The following MMS19 variants were observed in gnomAD, a reference collection of about 807,000 sequenced individuals.
The protein encoded by MMS19 is MMS19 cytosolic iron-sulfur assembly component, also known as MMS19 nucleotide excision repair protein homolog.
In MMS19, 77 loss-of-function variants were observed where a neutral mutation model predicts 129.8. The observed-to-expected ratio is 0.59, with a 90% CI of 0.49 to 0.72. The LOEUF (loss-of-function observed/expected upper bound fraction) is 0.72. MMS19 is among the 30% of genes least tolerant of loss of function. The pLI, the probability that MMS19 is intolerant of heterozygous loss-of-function variation, is 0.00. For synonymous variants in MMS19, 491 were observed against 502.8 expected (o/e 0.98, Z 0.31); for missense variants, 1,168 against 1,266.3 (o/e 0.92, Z 1.18).
intron 27 of MMS19, 38 bp from the exon 28 acceptor site, chr10:97,459,564 A>G (rs370482861): frequency 6.2e-7 from 1 of 1,606,708 alleles, no homozygotes; most frequent in South Asian, 1.1e-5. Context: ...TGGCCACATC[A>G]TGAAGATCCT....
intron 2 of MMS19, among the ~76,000 whole-genome samples, chr10:97,482,181 A>T (rs2036924157): frequency 6.6e-6 from 1 of 152,220 alleles, no homozygotes. Flanking sequence ...GTCTCAAAGA[A>T]AAAGAAAAAA....
intron 2 of MMS19, among the ~76,000 whole-genome samples, chr10:97,483,880 C>T (rs550821798): frequency 6.6e-6 from 1 of 152,340 alleles, no homozygotes; most frequent in Non-Finnish European, 1.5e-5. Flanking sequence ...GGCCTACAGG[C>T]TGTGTGCTCC....
chr10:97,495,482 T>G (rs942546681), intron 1 of MMS19, among the ~76,000 whole-genome samples: 7 of 152,238 alleles, frequency 4.6e-5, no homozygotes, highest in African/African-American at 1.7e-4. Context: ...CCTTTAGCGC[T>G]AACAAAGCTT....
At chr10:97,485,494 G>C (rs2037661385) in intron 1 of MMS19, among the ~76,000 whole-genome samples, 1 of 152,160 alleles carries the variant, frequency 6.6e-6, no homozygotes, top group Non-Finnish European at 1.5e-5. Flanking sequence ...TGTATTTTCA[G>C]TAGAGATGGG....
In MMS19 at chr10:97,461,662, T is replaced by C. The variant is rs774433290; in HGVS notation, c.2185-40A>G. 5.5e-5 allele frequency: 88 copies of C among 1,585,912 alleles called. No individual in the cohort carries two copies. In the South Asian group the frequency reaches 6.1e-4, roughly 11 times the overall value. On this transcript the variant is annotated intron_variant, in intron 22 of 30. Coordinates refer to ENST00000438925, the MANE Select transcript of MMS19 (RefSeq NM_022362.5). ...GCCATGTAATGGACCCAGAGAACAC[T>C]TGAACTCCAAGAGAACCAGTACATA...
At position 97,477,339 on chromosome 10, in the gene MMS19, T is replaced by C. The variant is rs772891810; in HGVS notation, c.493+8A>G. The stretch of plus-strand genomic sequence containing the variant: ...TTTTGACATTTCCCAGAAAGCTCTG[T>C]CTCTTACCTTCTTCCCGGGTTCGCA... On this transcript the variant is annotated splice_region_variant and intron_variant, in intron 6 of 30. Transcript: ENST00000438925. The C allele has an allele frequency of 6.2e-7, 1 of 1,613,992 alleles. No homozygotes were observed. The highest frequency in any genetic ancestry group is 1.3e-5 in the African/African-American group (1 of 75,036).
chr10:97,460,182 G>A lies in MMS19; in HGVS notation c.2520C>T (p.Gly840=). Residue 840 remains glycine (G), a synonymous_variant, in exon 26 of 31, where the codon GGC becomes GGT. Coordinates refer to ENST00000438925, the MANE Select transcript of MMS19 (RefSeq NM_022362.5). ...DPELGPAAAD[G]FSLLMSDCTD... ...TGCAGTCAGACATGAGCAGAGAGAA[G>A]CCATCAGCTGCTGCTGGACCTAATT... 2.5e-6 allele frequency: 4 copies of A among 1,613,982 alleles called. No individual in the cohort carries two copies. The highest frequency in any genetic ancestry group is 3.4e-6 in the Non-Finnish European group (4 of 1,179,886).
chr10:97,476,868 C>T lies in MMS19; in HGVS notation c.589G>A (p.Val197Ile), dbSNP rs29001285. ...PRNLLVAFRI[V>I]HDLISRDYSL... ...TAGTCCCTGGAGATGAGGTCATGGA[C>T]GATGCGGAAGGCCACCAGAAGATTA... The change falls in exon 7 of 31, where the codon GTC becomes ATC. Residue 197 changes from valine to isoleucine, a missense_variant. Val to Ile is a conservative substitution (Grantham distance 29). This residue lies in a region of MMS19 where 329 missense variants were observed against 328.6 expected (regional missense o/e 1.00). Coordinates refer to ENST00000438925, the MANE Select transcript of MMS19 (RefSeq NM_022362.5). 4.3e-3 allele frequency: 6,950 copies of T among 1,613,980 alleles called. 19 individuals carry two copies. Among genetic ancestry groups the T allele is most frequent in the Non-Finnish European group, 5.3e-3 (6,282 of 1,179,894 alleles).
In MMS19 at chr10:97,476,687, G is replaced by A; in HGVS notation, c.680C>T (p.Thr227Ile). Residue 227 changes from threonine to isoleucine, a missense_variant, in exon 8 of 31, where the codon ACC becomes ATC. Physicochemically the swap from Thr to Ile is moderately conservative, Grantham distance 89 (BLOSUM62 -1). Transcript: ENST00000438925. ...AACAATGAAGGTGCTACTTACAGGGGTAAAATCGATAGGGAAATAACAGGA... is the reference window on the plus strand; with the variant it reads ...AACAATGAAGGTGCTACTTACAGGGATAAAATCGATAGGGAAATAACAGGA... ...VTSCYFPIDF[T>I]PPPNDPHGIQ... 6.2e-7 allele frequency: 1 copy of A among 1,613,668 alleles called. No individual in the cohort carries two copies. The highest frequency in any genetic ancestry group is 8.5e-7 in the Non-Finnish European group (1 of 1,179,712).
intron 3 of MMS19, chr10:97,480,476 C>T: frequency 2.7e-6 from 1 of 367,582 alleles, no homozygotes; most frequent in Non-Finnish European, 5.2e-6. Flanking sequence ...TCAAAGCATG[C>T]CGATATTTCA....
At position 97,461,017 on chromosome 10, in the gene MMS19, A is replaced by C; in HGVS notation, c.2312-10T>G. 2 of 1,547,378 alleles carry C rather than the reference A, an allele frequency of 1.3e-6. No homozygotes were observed. Among genetic ancestry groups the C allele is most frequent in the Non-Finnish European group, 1.7e-6 (2 of 1,143,084 alleles). ...TCATCCAGCTGCTGCCCTAAAAAGG[A>C]GAGAGGAAATGCTGACATAAAGGCT... is the stretch of plus-strand genomic sequence containing the variant. On this transcript the variant is annotated splice_polypyrimidine_tract_variant and intron_variant, in intron 23 of 30. Transcript: ENST00000438925.
In MMS19 at chr10:97,458,355, T is replaced by C. The variant is rs1010966671; in HGVS notation, c.*337A>G. 4.0e-6 allele frequency: 1 copy of C among 248,276 alleles called. No homozygotes were observed. Among genetic ancestry groups the C allele is most frequent in the Admixed American group, 5.3e-5 (1 of 18,870 alleles). 15.4% of individuals were successfully genotyped at this position (248,276 alleles called of 1,614,324 possible). A position where few individuals can be genotyped will look rare whatever the true frequency, so the allele number is the denominator to read the frequency against. On this transcript the variant is annotated 3_prime_UTR_variant, in exon 31 of 31. Coordinates refer to ENST00000438925, the MANE Select transcript of MMS19 (RefSeq NM_022362.5). Reference sequence around the variant, plus strand: ...AAAGAAATCTTTATTCTTCAGCAGGTAGACAACATCTGCCAGCCCTGGTCC... The same window carrying C: ...AAAGAAATCTTTATTCTTCAGCAGGCAGACAACATCTGCCAGCCCTGGTCC...
At chr10:97,497,601 G>A (rs1036582795) in intron 1 of MMS19, among the ~76,000 whole-genome samples, 2 of 151,914 alleles carry the variant, frequency 1.3e-5, no homozygotes, top group Non-Finnish European at 2.9e-5. Flanking sequence ...TTTTAGATAA[G>A]CTGTCTGAAC....
intron 1 of MMS19, among the ~76,000 whole-genome samples, chr10:97,496,505 T>C (rs1470676236): frequency 8.0e-6 from 1 of 124,442 alleles, no homozygotes; most frequent in Admixed American, 8.2e-5. Flanking sequence ...GAGAGGGACC[T>C]TGTCTCAAAA....
chr10:97,480,822 G>A, intron 3 of MMS19, 120 bp downstream of exon 3: 2 of 716,976 alleles, frequency 2.8e-6, no homozygotes, highest in South Asian at 1.5e-5. Flanking sequence ...TGAAGACCTT[G>A]AATTAGTAGT....
At chr10:97,468,912 G>C in intron 12 of MMS19, 54 bp downstream of exon 12, 1 of 1,542,418 alleles carries the variant, frequency 6.5e-7, no homozygotes, top group East Asian at 2.4e-5. Flanking sequence ...CCCAGGCAAG[G>C]AATGTCGTTT....
intron 22 of MMS19, 85 bp downstream of exon 22, chr10:97,461,743 A>C: frequency 2.6e-6 from 4 of 1,544,918 alleles, no homozygotes; most frequent in Non-Finnish European, 3.5e-6. Flanking sequence ...GGGAAGTAAA[A>C]GATCAGCTTA....
In MMS19 at chr10:97,477,917, C is replaced by A. The variant is rs749268132; in HGVS notation, c.361G>T (p.Ala121Ser). Reference sequence around the variant, plus strand: ...GAAACAGCCAGCCCTGGGGGCAGGGCCACACACAGGCTCTGGGGGAGAGGA... The same window carrying A: ...GAAACAGCCAGCCCTGGGGGCAGGGACACACACAGGCTCTGGGGGAGAGGA... ...QGLKALSLCV[A>S]LPPGLAVSVL... Residue 121 changes from alanine (A) to serine (S), a missense_variant, in exon 5 of 31, where the codon GCC (alanine) becomes TCC (serine). By Grantham distance (99) the Ala-to-Ser change is moderately conservative. Around this residue, in one of 3 missense-constraint regions of MMS19, gnomAD observed 329 missense variants for 328.6 expected, o/e 1.00. Transcript: ENST00000438925. 36 of 1,604,518 alleles carry A rather than the reference C, an allele frequency of 2.2e-5. No homozygotes were observed. The highest frequency in any genetic ancestry group is 3.0e-5 in the Non-Finnish European group (35 of 1,176,390).
At chr10:97,493,060 G>T (rs1316802775) in intron 1 of MMS19, among the ~76,000 whole-genome samples, 1 of 151,852 alleles carries the variant, frequency 6.6e-6, no homozygotes, top group African/African-American at 2.4e-5. Flanking sequence ...ACCCAGGCTG[G>T]AGTGCAGTGG....
Sources: gnomAD v4.1 joint callset for allele counts (sites outside exome capture counted in the v4.1 genomes callset) on GRCh38, gnomAD v4.1.1 for gene constraint, gnomAD v4.1.1 regional missense constraint, MANE v1.5 for transcripts, NCBI Gene and HGNC (gene_info 2026-07-23, HGNC 2026-07-21) for gene names.